The following OSBPL8 variants were observed in gnomAD, a reference collection of about 807,000 sequenced individuals.
The protein encoded by OSBPL8 is oxysterol binding protein like 8.
In OSBPL8, 59 loss-of-function variants were observed where a neutral mutation model predicts 125.5. The ratio of observed to expected loss-of-function variants is 0.47; its 90% confidence interval spans 0.38 to 0.58. The LOEUF (loss-of-function observed/expected upper bound fraction) is 0.58. Among genes scored for constraint, OSBPL8 ranks in the 20% least tolerant of loss-of-function variants. OSBPL8 has a pLI of 0.00. For missense variants in OSBPL8, 758 were observed against 1,047.8 expected (o/e 0.72, Z 3.82); for synonymous variants, 330 against 338.9 (o/e 0.97, Z 0.29).
rs148890947 is a variant in OSBPL8 at position 76,526,170 on chromosome 12, T to C, written c.-68+33227A>G. On this transcript the variant is annotated intron_variant, in intron 1 of 23. Transcript: ENST00000261183. ...CAGAACCTTGAAACAAATTTCTACA[T>C]AGAGTATTACATGTCGTCTTATGAC... is the stretch of plus-strand genomic sequence containing the variant. Among the ~76,000 whole-genome samples the C allele has an allele frequency of 8.3e-3, 1,258 of 152,184 alleles. 15 individuals are homozygous for C. The highest frequency in any genetic ancestry group is 0.029 in the African/African-American group (1,220 of 41,552).
chr12:76,390,575 C>G lies in OSBPL8; in HGVS notation c.1012G>C (p.Glu338Gln). 1 of 1,613,734 alleles carries G rather than the reference C, an allele frequency of 6.2e-7. No homozygotes were observed. The highest frequency in any genetic ancestry group is 8.5e-7 in the Non-Finnish European group (1 of 1,179,838). ...ACCTCATTATCAGACTCATCATGTT[C>G]TTGATCATTTTCTTTATCAGATTTA... ...SDKSDKENDQ[E>Q]HDESDNEVMG... Residue 338 changes from glutamate (E) to glutamine (Q), a missense_variant, in exon 11 of 24, where the codon GAA becomes CAA. Around this residue, in one of 3 missense-constraint regions of OSBPL8, gnomAD observed 572 missense variants for 762.0 expected, o/e 0.75. Transcript: ENST00000261183.
intron 1 of OSBPL8, among the ~76,000 whole-genome samples, chr12:76,514,755 C>T (rs886839463): frequency 6.6e-6 from 1 of 152,154 alleles, no homozygotes; most frequent in Non-Finnish European, 1.5e-5. Context: ...TTCTGTAAGT[C>T]GTATGCTTTC....
intron 7 of OSBPL8, among the ~76,000 whole-genome samples, chr12:76,398,702 G>A (rs1306731235): frequency 6.6e-6 from 1 of 152,120 alleles, no homozygotes; most frequent in Non-Finnish European, 1.5e-5. Context: ...GCACCTACAT[G>A]AAGTATGAAA....
chr12:76,416,060 C>T (rs1175095698), intron 4 of OSBPL8, among the ~76,000 whole-genome samples: 2 of 152,084 alleles, frequency 1.3e-5, no homozygotes, highest in African/African-American at 4.8e-5. Flanking sequence ...CTAAACATTT[C>T]CTCTTAATCA....
intron 4 of OSBPL8, among the ~76,000 whole-genome samples, chr12:76,412,671 G>A (rs1184507790): frequency 6.6e-6 from 1 of 151,954 alleles, no homozygotes; most frequent in Non-Finnish European, 1.5e-5. Context: ...CTATGCTATA[G>A]GTTTCATTTT....
chr12:76,548,921 G>T (rs938652427), intron 1 of OSBPL8, among the ~76,000 whole-genome samples: 1 of 151,972 alleles, frequency 6.6e-6, no homozygotes, highest in African/African-American at 2.4e-5. Context: ...AAAACTGACC[G>T]GAGGAGAAAA....
At chr12:76,520,756 A>G (rs1461167373) in intron 1 of OSBPL8, among the ~76,000 whole-genome samples, 3 of 152,186 alleles carry the variant, frequency 2.0e-5, no homozygotes, top group Non-Finnish European at 2.9e-5. Context: ...AGACGGAGGA[A>G]TGAAAGAAAA....
rs566752631 is a variant in OSBPL8, at chr12:76,419,328, T to C, written c.218-8694A>G. ...TTACATAACACATTGCATTTAGGGA[T>C]AAAAACATGAAAAGACATTGTTCCC... On this transcript the variant is annotated intron_variant, in intron 4 of 23. Coordinates refer to ENST00000261183, the MANE Select transcript of OSBPL8 (RefSeq NM_020841.5). Among the ~76,000 whole-genome samples, 5 of 152,326 alleles carry C rather than the reference T, an allele frequency of 3.3e-5. No homozygotes were observed. In the East Asian group the frequency reaches 9.6e-4, roughly 29 times the overall value.
chr12:76,410,996 A>G (rs1002614486), intron 4 of OSBPL8, among the ~76,000 whole-genome samples: 2 of 152,216 alleles, frequency 1.3e-5, no homozygotes, highest in Non-Finnish European at 2.9e-5. Context: ...TCAAAATGGA[A>G]AACAATTTCA....
At chr12:76,437,283 T>A (rs1871580531) in intron 4 of OSBPL8, among the ~76,000 whole-genome samples, 1 of 152,230 alleles carries the variant, frequency 6.6e-6, no homozygotes, top group South Asian at 2.1e-4. Flanking sequence ...TATGGTTTCA[T>A]ATCCTTACTG....
chr12:76,534,049 A>C (rs1950424074), intron 1 of OSBPL8, among the ~76,000 whole-genome samples: 1 of 152,220 alleles, frequency 6.6e-6, no homozygotes, highest in African/African-American at 2.4e-5. Flanking sequence ...AAGTGGTTTA[A>C]GAAGGGGAAA....
intron 4 of OSBPL8, among the ~76,000 whole-genome samples, chr12:76,425,072 T>C (rs1443793254): frequency 6.6e-6 from 1 of 152,154 alleles, no homozygotes; most frequent in Non-Finnish European, 1.5e-5. Flanking sequence ...ATGAATCAGA[T>C]AGGCTATTTA....
intron 1 of OSBPL8, among the ~76,000 whole-genome samples, chr12:76,527,334 T>G (rs546895328): frequency 6.6e-6 from 1 of 152,280 alleles, no homozygotes; most frequent in South Asian, 2.1e-4. Flanking sequence ...CTAAGGTTTT[T>G]CAACTTCAAT....
At chr12:76,523,585 C>A (rs1950081781) in intron 1 of OSBPL8, among the ~76,000 whole-genome samples, 1 of 152,056 alleles carries the variant, frequency 6.6e-6, no homozygotes, top group South Asian at 2.1e-4. Flanking sequence ...AGGGTGGAGC[C>A]CTCATGCTGG....
At chr12:76,474,988 T>C (rs1225202838) in intron 2 of OSBPL8, among the ~76,000 whole-genome samples, 1 of 152,174 alleles carries the variant, frequency 6.6e-6, no homozygotes, top group African/African-American at 2.4e-5. Context: ...AAAAATCTCT[T>C]TATTGTTCTA....
At chr12:76,398,536 G>C (rs1953916935) in intron 7 of OSBPL8, among the ~76,000 whole-genome samples, 1 of 152,174 alleles carries the variant, frequency 6.6e-6, no homozygotes, top group Non-Finnish European at 1.5e-5. Context: ...TATGTCAATA[G>C]TAAGTCTAAA....
intron 3 of OSBPL8, 95 bp from the exon 4 acceptor site, chr12:76,451,083 C>T: frequency 3.8e-6 from 5 of 1,301,500 alleles, no homozygotes; most frequent in Non-Finnish European, 5.2e-6. Flanking sequence ...ACTGAAATGG[C>T]CTTGGTGGTT....
chr12:76,435,731 GA>G (rs967163556), intron 4 of OSBPL8, among the ~76,000 whole-genome samples: 22 of 152,074 alleles, frequency 1.4e-4, no homozygotes, highest in East Asian at 5.8e-4. Flanking sequence ...GGTGGGAAGG[GA>G]AAAAAATGAG....
At chr12:76,552,140 T>C (rs187073966) in intron 1 of OSBPL8, among the ~76,000 whole-genome samples, 31 of 152,162 alleles carry the variant, frequency 2.0e-4, no homozygotes, top group Admixed American at 1.8e-3. Flanking sequence ...AGTGAAAAAC[T>C]AGTGGCAGGC....
Sources: allele counts gnomAD v4.1 joint callset (sites outside exome capture counted in the v4.1 genomes callset), GRCh38; gene constraint gnomAD v4.1.1; regional missense constraint gnomAD v4.1.1; transcripts MANE v1.5; gene names NCBI Gene and HGNC (gene_info 2026-07-23, HGNC 2026-07-21).